EYS: variants seen among roughly 807,000 people sequenced by gnomAD.
EYS encodes the protein EGF-like photoreceptor maintenance factor.
In EYS, 250 loss-of-function variants were observed where a neutral mutation model predicts 282.1. The observed-to-expected ratio is 0.89, with a 90% confidence interval of 0.80 to 0.98. EYS has a LOEUF of 0.98. EYS is among the 50% of genes least tolerant of loss of function. The pLI is 0.00. For synonymous variants in EYS, 1,355 were observed against 1,282.9 expected (o/e 1.06, Z -1.20); for missense variants, 4,016 against 3,709.0 (o/e 1.08, Z -2.15).
chr6:65,041,270 C>T (rs183887313), intron 13 of EYS, among the ~76,000 whole-genome samples: 76 of 151,820 alleles, frequency 5.0e-4, no homozygotes, highest in African/African-American at 1.7e-3. Flanking sequence ...TCGTGGCTCA[C>T]GTTGCAGGTG....
intron 30 of EYS, among the ~76,000 whole-genome samples, chr6:64,243,793 A>G (rs2150344654): frequency 6.6e-6 from 1 of 152,308 alleles, no homozygotes; most frequent in Admixed American, 6.5e-5. Context: ...TTTTATTTTC[A>G]TTATACATGA....
At chr6:65,422,794 C>G (rs1387030163) in intron 5 of EYS, among the ~76,000 whole-genome samples, 1 of 147,560 alleles carries the variant, frequency 6.8e-6, no homozygotes, top group African/African-American at 2.4e-5. Context: ...AAAAGCCTCT[C>G]TCTATATAGA....
At chr6:64,025,112 G>A (rs998637430) in intron 33 of EYS, among the ~76,000 whole-genome samples, 5 of 152,128 alleles carry the variant, frequency 3.3e-5, no homozygotes, top group African/African-American at 1.2e-4. Flanking sequence ...CTTAGAATTC[G>A]GGGGCTAAAT....
At chr6:64,262,229 C>A (rs190632694) in intron 30 of EYS, among the ~76,000 whole-genome samples, 2 of 152,092 alleles carry the variant, frequency 1.3e-5, no homozygotes, top group East Asian at 3.9e-4. Context: ...CTTTCTACCA[C>A]CCTATCCCAA....
At chr6:64,063,748 G>T (rs530027753) in intron 33 of EYS, among the ~76,000 whole-genome samples, 1 of 152,232 alleles carries the variant, frequency 6.6e-6, no homozygotes, top group African/African-American at 2.4e-5. Context: ...TAGATTGATT[G>T]ATTGAGTCTT....
chr6:65,513,987 G>C (rs1257875895), intron 2 of EYS, among the ~76,000 whole-genome samples: 2 of 152,164 alleles, frequency 1.3e-5, no homozygotes, highest in African/African-American at 4.8e-5. Context: ...ATTCGGAAAA[G>C]AGGAAGTCAA....
In EYS at chr6:64,749,627, T is replaced by C. The variant is rs190079970; in HGVS notation, c.3443+63751A>G. ...TTCTAAAAAAAAACATTTTAGCAAG[T>C]CTTGCTAAATTAGAAAATAGAAATC... is the stretch of plus-strand genomic sequence containing the variant. On this transcript the variant is annotated intron_variant, in intron 22 of 42. Transcript: ENST00000503581. Among the ~76,000 whole-genome samples the C allele has an allele frequency of 2.4e-4, 37 of 152,278 alleles. No individual in the cohort carries two copies. In the East Asian group the frequency reaches 6.6e-3, roughly 27 times the overall value.
intron 1 of EYS, among the ~76,000 whole-genome samples, chr6:65,662,929 T>C (rs188347516): frequency 4.1e-4 from 62 of 152,292 alleles, no homozygotes; most frequent in Admixed American, 5.2e-4. Flanking sequence ...CAAAATGGGA[T>C]ACATAAGAAA....
At chr6:65,245,275 G>A (rs9654551) in intron 12 of EYS, among the ~76,000 whole-genome samples, 2 of 152,068 alleles carry the variant, frequency 1.3e-5, no homozygotes, top group South Asian at 4.1e-4. Context: ...GTTTGAGAAG[G>A]AAATATGCAA....
At chr6:64,852,406 C>T (rs1196192157) in intron 19 of EYS, among the ~76,000 whole-genome samples, 1 of 152,050 alleles carries the variant, frequency 6.6e-6, no homozygotes, top group Admixed American at 6.6e-5. Context: ...TGTTTCCTGC[C>T]CTCAAACATC....
chr6:64,323,963 G>C (rs1406148159), intron 29 of EYS, among the ~76,000 whole-genome samples: 4 of 152,114 alleles, frequency 2.6e-5, no homozygotes, highest in Non-Finnish European at 5.9e-5. Context: ...GATCATCTAA[G>C]TTTACTCCCA....
At chr6:65,180,732 A>G (rs1207310212) in intron 12 of EYS, among the ~76,000 whole-genome samples, 2 of 152,162 alleles carry the variant, frequency 1.3e-5, no homozygotes, top group Non-Finnish European at 1.5e-5. Context: ...GAACCAAAAA[A>G]GAGCCTGCAT....
At chr6:65,320,321 C>G (rs1255532381) in intron 11 of EYS, among the ~76,000 whole-genome samples, 1 of 151,968 alleles carries the variant, frequency 6.6e-6, no homozygotes, top group Non-Finnish European at 1.5e-5. Flanking sequence ...TGACCAGGAG[C>G]TCAGGTCCCT....
chr6:64,450,780 G>A (rs1775301134), intron 26 of EYS, among the ~76,000 whole-genome samples: 1 of 152,102 alleles, frequency 6.6e-6, no homozygotes, highest in South Asian at 2.1e-4. Flanking sequence ...TGAAATGAAG[G>A]CAGAAATAAA....
intron 12 of EYS, among the ~76,000 whole-genome samples, chr6:65,147,441 T>G (rs1764507155): frequency 1.3e-5 from 2 of 152,100 alleles, no homozygotes; most frequent in Admixed American, 1.3e-4. Context: ...AGCTTTGCAT[T>G]GCTAAAACTT....
chr6:65,090,051 C>T (rs1419382673), intron 12 of EYS, among the ~76,000 whole-genome samples: 1 of 150,742 alleles, frequency 6.6e-6, no homozygotes, highest in Non-Finnish European at 1.5e-5. Context: ...GGGCATAAGG[C>T]CATAATTCTG....
At chr6:63,839,838 AC>A (rs1409538925) in intron 36 of EYS, among the ~76,000 whole-genome samples, 1 of 152,166 alleles carries the variant, frequency 6.6e-6, no homozygotes, top group Non-Finnish European at 1.5e-5. Context: ...AGTTTCACCA[AC>A]AGTAATGTAA....
intron 2 of EYS, among the ~76,000 whole-genome samples, chr6:65,601,009 T>C (rs971873286): frequency 3.3e-5 from 5 of 152,018 alleles, no homozygotes; most frequent in Non-Finnish European, 5.9e-5. Context: ...TTTAAAACTA[T>C]CATTTATGTA....
intron 31 of EYS, among the ~76,000 whole-genome samples, chr6:64,140,006 T>TA (rs1410898231): frequency 6.8e-6 from 1 of 146,686 alleles, no homozygotes; most frequent in Non-Finnish European, 1.5e-5. Context: ...AATAAATAAA[T>TA]AAATAGGATA....
Sources: gnomAD v4.1 joint callset for allele counts (sites outside exome capture counted in the v4.1 genomes callset) on GRCh38, gnomAD v4.1.1 for gene constraint, MANE v1.5 for transcripts, NCBI Gene and HGNC (gene_info 2026-07-23, HGNC 2026-07-21) for gene names.